Variants in CAST observed in about 807,000 individuals in gnomAD.
CAST encodes calpastatin, also known as MIR583 host.
A neutral mutation model predicts 119.6 loss-of-function variants in CAST; 76 were observed. The observed-to-expected ratio is 0.64, with a 90% confidence interval of 0.53 to 0.77. CAST has a LOEUF of 0.77. Ranked by LOEUF, CAST falls within the 30% of genes least tolerant of loss-of-function variation. The pLI is 0.00. For missense variants in CAST, 953 were observed against 946.5 expected (o/e 1.01, Z -0.09); for synonymous variants, 319 against 331.6 (o/e 0.96, Z 0.41).
chr5:96,188,739 G>GT, the CAST span, among the ~76,000 whole-genome samples: 1 of 152,032 alleles, frequency 6.6e-6, no homozygotes, highest in African/African-American at 2.4e-5. Context: ...AATGAAATTT[G>GT]TTTTTTACCT....
chr5:96,065,364 T>G, the CAST span, among the ~76,000 whole-genome samples: 1 of 151,780 alleles, frequency 6.6e-6, no homozygotes, highest in Non-Finnish European at 1.5e-5. Flanking sequence ...CCTTTTGGGG[T>G]CCTGGAAATT....
the CAST span, among the ~76,000 whole-genome samples, chr5:95,985,151 C>T: frequency 6.6e-6 from 1 of 151,990 alleles, no homozygotes; most frequent in Non-Finnish European, 1.5e-5. Context: ...CATTTCTACA[C>T]AAAATTTTTA....
intron 1 of CAST, among the ~76,000 whole-genome samples, chr5:96,666,257 A>AACATACAC (rs1554074455): frequency 6.7e-5 from 10 of 150,042 alleles, no homozygotes; most frequent in African/African-American, 2.5e-4. Flanking sequence ...GGTTGTAGTA[A>AACATACAC]ACACACACAC....
the CAST span, among the ~76,000 whole-genome samples, chr5:96,201,045 C>T: frequency 1.3e-5 from 2 of 152,010 alleles, no homozygotes; most frequent in Admixed American, 1.3e-4. Context: ...GAAAAGTAGG[C>T]AGATATCCAA....
At chr5:96,701,805 C>CA (rs1259689905) in intron 3 of CAST, among the ~76,000 whole-genome samples, 17,368 of 123,426 alleles carry the variant, frequency 0.14, 1,216 homozygotes, top group Middle Eastern at 0.24. Flanking sequence ...AATCCCACCT[C>CA]AAAAAAAAAA....
At chr5:96,652,743 A>T (rs1197509343) in intron 1 of CAST, among the ~76,000 whole-genome samples, 2 of 152,204 alleles carry the variant, frequency 1.3e-5, no homozygotes, top group African/African-American at 4.8e-5. Context: ...CACAATGCAA[A>T]ATATAAGATG....
the CAST span, among the ~76,000 whole-genome samples, chr5:96,420,764 G>A: frequency 6.8e-6 from 1 of 146,538 alleles, no homozygotes; most frequent in African/African-American, 2.6e-5. Context: ...AGGGAGGAAG[G>A]AAGAGAGGGA....
chr5:96,686,216 T>C (rs1752067537), intron 2 of CAST, among the ~76,000 whole-genome samples: 1 of 152,134 alleles, frequency 6.6e-6, no homozygotes, highest in South Asian at 2.1e-4. Context: ...AGACTACATA[T>C]TAGCTCAATC....
the CAST span, among the ~76,000 whole-genome samples, chr5:96,191,535 G>A: frequency 1.3e-5 from 2 of 152,194 alleles, no homozygotes; most frequent in East Asian, 3.9e-4. Flanking sequence ...TAGCCTCTCT[G>A]CTACATTGCT....
intron 1 of CAST, among the ~76,000 whole-genome samples, chr5:96,613,269 GGATTTGAAGATGAATGACAGTT>G (rs1222395819): frequency 5.9e-5 from 9 of 152,084 alleles, no homozygotes; most frequent in Non-Finnish European, 1.3e-4. Flanking sequence ...TAGAATAGAT[GGATTTGAAGATGAATGACAGTT>G]TTCTTCTTAT....
rs1763275421 is a variant in CAST, at chr5:96,744,209, T to G, written c.1200+1453T>G. 2.6e-5 allele frequency among the ~76,000 whole-genome samples: 4 copies of G among 152,212 alleles called. No individual in the cohort carries two copies. In the South Asian group the frequency reaches 8.3e-4, roughly 32 times the overall value. ...CAAAAAGAACTCCTCTTTTCCACTCTTATGACATAATAGTTGTATTAGTCT... is the reference window on the plus strand; with the variant it reads ...CAAAAAGAACTCCTCTTTTCCACTCGTATGACATAATAGTTGTATTAGTCT... On this transcript the variant is annotated intron_variant, in intron 16 of 31. Transcript: ENST00000675179.
chr5:96,432,676 A>C, the CAST span, among the ~76,000 whole-genome samples: 1 of 152,082 alleles, frequency 6.6e-6, no homozygotes, highest in African/African-American at 2.4e-5. Flanking sequence ...CGCCCAGCCT[A>C]AACAGTAAAT....
chr5:95,981,257 T>C, the CAST span, among the ~76,000 whole-genome samples: 2 of 152,158 alleles, frequency 1.3e-5, no homozygotes, highest in East Asian at 1.9e-4. Context: ...ATATTAAACC[T>C]CATGGGGTAA....
intron 25 of CAST, chr5:96,763,298 A>G (rs1320372140): frequency 1.3e-6 from 1 of 779,542 alleles, no homozygotes. Flanking sequence ...ATTAGCAGCT[A>G]TAATCCTGGA....
At chr5:95,987,414 A>C in the CAST span, among the ~76,000 whole-genome samples, 1 of 152,118 alleles carries the variant, frequency 6.6e-6, no homozygotes, top group East Asian at 1.9e-4. Context: ...AGTCAACCTG[A>C]TGATGTTGTA....
At chr5:96,561,403 A>G (rs1203438598) in intron 1 of CAST, among the ~76,000 whole-genome samples, 1 of 152,058 alleles carries the variant, frequency 6.6e-6, no homozygotes, top group Non-Finnish European at 1.5e-5. Flanking sequence ...GAATGAGTTC[A>G]TGTCCTTTGC....
At chr5:96,278,623 A>T in the CAST span, 1 of 152,224 alleles carries the variant, frequency 6.6e-6, no homozygotes, top group Non-Finnish European at 1.5e-5. Flanking sequence ...GCTTATTTCC[A>T]TCCAGGGGAA....
Position 96,625,158 on chromosome 5 carries a change from T to G in CAST, c.61-50381T>G, listed in dbSNP as rs554993005. The stretch of plus-strand genomic sequence containing the variant: ...GCCAGTACACTGCAAAGATCATTTT[T>G]TTCATGACAATTTTCTCTCAAAGGG... On this transcript the variant is annotated intron_variant, in intron 1 of 11. Transcript: ENST00000505143. Among the ~76,000 whole-genome samples, 35 of 152,322 alleles carry G rather than the reference T, an allele frequency of 2.3e-4. No individual in the cohort carries two copies. In the South Asian group the frequency reaches 6.9e-3, roughly 30 times the overall value.
chr5:96,106,276 A>G, the CAST span, among the ~76,000 whole-genome samples: 9 of 151,682 alleles, frequency 5.9e-5, no homozygotes, highest in African/African-American at 1.9e-4. Flanking sequence ...TTTTGAATGT[A>G]TTTGCTCTTG....
Sources: allele counts gnomAD v4.1 joint callset (sites outside exome capture counted in the v4.1 genomes callset), GRCh38; gene constraint gnomAD v4.1.1; transcripts MANE v1.5; gene names NCBI Gene and HGNC (gene_info 2026-07-23, HGNC 2026-07-21).